Variants in DARS1 observed in about 807,000 individuals in gnomAD.
The protein encoded by DARS1 is aspartyl-tRNA synthetase 1.
Under a neutral mutation model 68.8 loss-of-function variants are expected in DARS1, and 51 were observed. That is an observed-to-expected ratio of 0.74 (90% CI 0.59 to 0.94). DARS1 has a LOEUF of 0.94. Among genes scored for constraint, DARS1 ranks in the 40% least tolerant of loss-of-function variants. The probability of loss-of-function intolerance (pLI) is 0.00; values close to 1 mark genes in which losing one functional copy is unlikely to be tolerated. For synonymous variants in DARS1, 203 were observed against 190.4 expected (o/e 1.07, Z -0.55); for missense variants, 607 against 597.3 (o/e 1.02, Z -0.17).
At chr2:135,942,599 C>T (rs1341181109) in intron 5 of DARS1, among the ~76,000 whole-genome samples, 1 of 151,932 alleles carries the variant, frequency 6.6e-6, no homozygotes, top group Non-Finnish European at 1.5e-5. Context: ...CGCATGTATA[C>T]ATATGTAGCA....
intron 1 of DARS1, among the ~76,000 whole-genome samples, chr2:135,983,849 C>T (rs980158229): frequency 3.3e-5 from 5 of 152,174 alleles, no homozygotes; most frequent in South Asian, 2.1e-4. Flanking sequence ...TATTAACTTC[C>T]TATTACAGGA....
chr2:135,933,827 A>G (rs1413931004), intron 6 of DARS1, 83 bp downstream of exon 6: 6 of 1,410,424 alleles, frequency 4.3e-6, no homozygotes, highest in Non-Finnish European at 4.7e-6. Flanking sequence ...CAATTCACAG[A>G]CACCCTTAGT....
At chr2:135,982,119 A>G (rs1682647130) in intron 2 of DARS1, among the ~76,000 whole-genome samples, 1 of 152,260 alleles carries the variant, frequency 6.6e-6, no homozygotes, top group African/African-American at 2.4e-5. Flanking sequence ...GTCTACAATT[A>G]CTGCACCAAA....
At chr2:135,955,310 T>C (rs1308018658) in intron 4 of DARS1, among the ~76,000 whole-genome samples, 2 of 152,176 alleles carry the variant, frequency 1.3e-5, no homozygotes, top group Non-Finnish European at 2.9e-5. Context: ...TTTAGCTTTC[T>C]GGTTGTCAGA....
At position 135,985,596 on chromosome 2, in the gene DARS1, A is replaced by G; in HGVS notation, c.-128T>C. On this transcript the variant is annotated 5_prime_UTR_variant, in exon 1 of 16. Coordinates refer to ENST00000264161, the MANE Select transcript of DARS1 (RefSeq NM_001349.4). ...CTGGGGTCTCAGCACACGCGCTCGG[A>G]CTCCGCGTGGAGGTGCGGCTCCAGA... 6.5e-7 allele frequency: 1 copy of G among 1,541,154 alleles called. No homozygotes were observed. The highest frequency in any genetic ancestry group is 2.4e-5 in the East Asian group (1 of 42,024).
intron 9 of DARS1, among the ~76,000 whole-genome samples, chr2:135,921,933 G>T (rs1257191055): frequency 6.6e-6 from 1 of 152,126 alleles, no homozygotes; most frequent in Non-Finnish European, 1.5e-5. Flanking sequence ...GACCCTTAAT[G>T]ATCTTGCCAG....
intron 12 of DARS1, 109 bp from the exon 13 acceptor site, chr2:135,912,675 T>C: frequency 2.0e-6 from 1 of 512,662 alleles, no homozygotes; most frequent in Non-Finnish European, 3.5e-6. Flanking sequence ...TTACTCTAAT[T>C]ATATTGTATA....
intron 3 of DARS1, among the ~76,000 whole-genome samples, chr2:135,970,069 T>C (rs1682331443): frequency 6.6e-6 from 1 of 152,030 alleles, no homozygotes. Context: ...GAACCATACT[T>C]GGGGCCATTT....
intron 7 of DARS1, among the ~76,000 whole-genome samples, chr2:135,926,550 T>G (rs929690774): frequency 2.0e-5 from 3 of 152,180 alleles, no homozygotes; most frequent in African/African-American, 7.2e-5. Context: ...TTTAAATGGT[T>G]TAATTTGAAA....
rs1189228594 is a variant in DARS1 at position 135,933,955 on chromosome 2, G to A, written c.459C>T (p.Pro153=). ...GCCGAACAGCATCATCCAGCTGCAG[G>A]GGCAGACGGGGTTCAGCCAAACTGA... is the stretch of plus-strand genomic sequence containing the variant. ...YVISLAEPRL[P]LQLDDAVRPE... Residue 153 remains proline (P), a synonymous_variant, in exon 6 of 16, where the codon CCC becomes CCT. Transcript: ENST00000264161. The A allele has an allele frequency of 1.9e-6, 3 of 1,613,412 alleles. No individual in the cohort carries two copies. Among genetic ancestry groups the A allele is most frequent in the Non-Finnish European group, 1.7e-6 (2 of 1,179,638 alleles).
At chr2:135,914,379 C>T in intron 12 of DARS1, 90 bp downstream of exon 12, 1 of 785,702 alleles carries the variant, frequency 1.3e-6, no homozygotes. Context: ...TCATACCATT[C>T]TAGGAAGCTC....
At chr2:135,978,998 C>A in intron 3 of DARS1, 1 of 264,256 alleles carries the variant, frequency 3.8e-6, no homozygotes. Flanking sequence ...GCTACTCCTT[C>A]TCCAGCTGAA....
chr2:135,913,758 CAA>C (rs553347753), intron 12 of DARS1, among the ~76,000 whole-genome samples: 1 of 125,618 alleles, frequency 8.0e-6, no homozygotes, highest in Non-Finnish European at 1.7e-5. Flanking sequence ...AACTCCGTCT[CAA>C]AAAAAAAAAA....
chr2:135,907,291 T>TGGA lies in DARS1; in HGVS notation c.*22_*24dup. On this transcript the variant is annotated 3_prime_UTR_variant, in exon 16 of 16. Transcript: ENST00000264161. ...CAGGGTCTCGCTCTGTCATCCACACTGGAGTTAAGTGGCAAAGTGTGAATT... is the reference window on the plus strand; with the variant it reads ...CAGGGTCTCGCTCTGTCATCCACACTGGAGGAGTTAAGTGGCAAAGTGTGAATT... The TGGA allele has an allele frequency of 7.7e-7, 1 of 1,303,366 alleles. No homozygotes were observed. The highest frequency in any genetic ancestry group is 1.1e-6 in the Non-Finnish European group (1 of 928,210). The allele number at this position is 1,303,366 out of a possible 1,614,324, so 80.7% of individuals were successfully genotyped here.
intron 6 of DARS1, among the ~76,000 whole-genome samples, chr2:135,933,630 A>G (rs1286472900): frequency 1.3e-5 from 2 of 152,116 alleles, no homozygotes; most frequent in Non-Finnish European, 2.9e-5. Flanking sequence ...TATAATTTTT[A>G]ATAAAGTAAT....
intron 2 of DARS1, 139 bp downstream of exon 2, chr2:135,983,258 C>A (rs1445185268): frequency 1.6e-6 from 1 of 620,718 alleles, no homozygotes; most frequent in Non-Finnish European, 2.8e-6. Context: ...GTTATGACAT[C>A]TACTTGGATT....
At chr2:135,941,144 G>C (rs1322874791) in intron 5 of DARS1, among the ~76,000 whole-genome samples, 1 of 152,124 alleles carries the variant, frequency 6.6e-6, no homozygotes. Context: ...TTTCTTCACA[G>C]AATTGGAAAA....
chr2:135,968,036 G>T (rs1682276966), intron 3 of DARS1, among the ~76,000 whole-genome samples: 1 of 152,206 alleles, frequency 6.6e-6, no homozygotes. Context: ...AAGGTGGGCA[G>T]ATCACCTGAG....
intron 3 of DARS1, among the ~76,000 whole-genome samples, chr2:135,967,085 G>A (rs886708233): frequency 1.3e-5 from 2 of 152,188 alleles, no homozygotes; most frequent in Non-Finnish European, 2.9e-5. Flanking sequence ...GAGAACCAGA[G>A]TATCAAAGAT....
Sources: allele counts gnomAD v4.1 joint callset (sites outside exome capture counted in the v4.1 genomes callset), GRCh38; gene constraint gnomAD v4.1.1; transcripts MANE v1.5; gene names NCBI Gene and HGNC (gene_info 2026-07-23, HGNC 2026-07-21).